The following FAM76B variants were observed in gnomAD, a reference collection of about 807,000 sequenced individuals.
The protein encoded by FAM76B is family with sequence similarity 76 member B, also known as protein FAM76B.
Under a neutral mutation model 51.8 loss-of-function variants are expected in FAM76B, and 16 were observed. The ratio of observed to expected loss-of-function variants is 0.31; its 90% confidence interval spans 0.21 to 0.47. FAM76B has a LOEUF of 0.47. FAM76B is among the 20% of genes least tolerant of loss of function. The pLI, the probability that FAM76B is intolerant of heterozygous loss-of-function variation, is 1.00. For synonymous variants in FAM76B, 166 were observed against 129.5 expected, an observed-to-expected ratio of 1.28 and a Z score of -1.91; for missense variants, 342 against 392.6, an observed-to-expected ratio of 0.87 and a Z score of 1.09.
rs772396708 is a variant in FAM76B, at chr11:95,779,615, A to G, written c.684T>C (p.Asn228=). The change falls in exon 7 of 10, where the codon AAT becomes AAC. Residue 228 remains asparagine (N), a synonymous_variant. Coordinates refer to ENST00000358780, the MANE Select transcript of FAM76B (RefSeq NM_144664.5). ...AAAGAATTCATTTTTACCTATCTCC[A>G]TTAGATGGCTTAGATTCCAATTTGG... ...KKPKLESKPS[N]GDSSSINQSA... is the part of the protein sequence containing the mutation. 7.5e-6 allele frequency: 12 copies of G among 1,609,304 alleles called. No individual in the cohort carries two copies. Among genetic ancestry groups the G allele is most frequent in the Non-Finnish European group, 9.3e-6 (11 of 1,177,498 alleles).
intron 9 of FAM76B, 137 bp downstream of exon 9, chr11:95,775,785 T>G (rs1193189546): frequency 1.3e-5 from 6 of 463,056 alleles, no homozygotes; most frequent in Non-Finnish European, 2.3e-5. Context: ...TTAAAAATGA[T>G]TATAAAGTCA....
chr11:95,772,512 T>C (rs765340600), intron 9 of FAM76B, among the ~76,000 whole-genome samples: 1 of 151,154 alleles, frequency 6.6e-6, no homozygotes, highest in Non-Finnish European at 1.5e-5. Context: ...TATATACAAA[T>C]ACATTAATGA....
intron 5 of FAM76B, among the ~76,000 whole-genome samples, chr11:95,782,536 A>G (rs906541295): frequency 3.9e-5 from 6 of 152,124 alleles, no homozygotes; most frequent in African/African-American, 9.7e-5. Flanking sequence ...TCCTAAATAT[A>G]TGTTTGAAAA....
At position 95,789,570 on chromosome 11, in the gene FAM76B, C is replaced by G. The variant is rs1860878042; in HGVS notation, c.-92G>C. On this transcript the variant is annotated 5_prime_UTR_variant, in exon 1 of 10. Coordinates refer to ENST00000358780, the MANE Select transcript of FAM76B (RefSeq NM_144664.5). ...GCCGCCGCCGCCCGGGCCGCGGGCT[C>G]CTCCTCCTCCCCCTCCCCCTGCCTC... The G allele has an allele frequency of 8.8e-7, 1 of 1,131,476 alleles. No homozygotes were observed. Among genetic ancestry groups the G allele is most frequent in the Middle Eastern group, 2.9e-4 (1 of 3,452 alleles). 70.1% of individuals were successfully genotyped at this position (1,131,476 alleles called of 1,614,324 possible).
intron 1 of FAM76B, chr11:95,788,795 T>C: frequency 6.8e-7 from 1 of 1,472,822 alleles, no homozygotes; most frequent in Non-Finnish European, 9.0e-7. Context: ...ACAGACAAAT[T>C]AAGAAAGCTG....
chr11:95,773,941 G>A (rs1307555429), intron 9 of FAM76B, among the ~76,000 whole-genome samples: 1 of 151,064 alleles, frequency 6.6e-6, no homozygotes, highest in African/African-American at 2.4e-5. Flanking sequence ...TTGTGTCACA[G>A]GATTCAATTC....
At chr11:95,782,284 T>C (rs1024960649) in intron 5 of FAM76B, among the ~76,000 whole-genome samples, 54 of 152,252 alleles carry the variant, frequency 3.5e-4, no homozygotes, top group Admixed American at 3.3e-3. Flanking sequence ...CAACCCAGGT[T>C]TGAAATGTAT....
chr11:95,788,852 T>C, intron 1 of FAM76B: 1 of 1,399,566 alleles, frequency 7.1e-7, no homozygotes, highest in East Asian at 3.6e-5. Flanking sequence ...TACTTATTAT[T>C]TTGCACCGTT....
rs938118203 is a variant in FAM76B at position 95,769,213 on chromosome 11, A to C, written c.*2348T>G. ...ATAGTGGAAAACAGGCTAAAAGCAC[A>C]ATACACCACACCATAGTATCTCCTT... On this transcript the variant is annotated 3_prime_UTR_variant, in exon 10 of 10. Transcript: ENST00000358780. 4.6e-5 allele frequency: 7 copies of C among 152,368 alleles called. No individual in the cohort carries two copies. Among genetic ancestry groups the C allele is most frequent in the Non-Finnish European group, 1.0e-4 (7 of 67,874 alleles). The allele number at this position is 152,368 out of a possible 1,614,324, so 9.4% of individuals were successfully genotyped here.
chr11:95,781,177 A>G (rs1282309077), intron 5 of FAM76B, among the ~76,000 whole-genome samples: 1 of 152,026 alleles, frequency 6.6e-6, no homozygotes, highest in African/African-American at 2.4e-5. Context: ...AATCACATTA[A>G]TATCACTGAC....
chr11:95,773,548 A>G (rs956084352), intron 9 of FAM76B, among the ~76,000 whole-genome samples: 1 of 151,216 alleles, frequency 6.6e-6, no homozygotes, highest in South Asian at 2.1e-4. Flanking sequence ...AAAGGAAAGA[A>G]TATCAGGATT....
rs117565813 is a variant in FAM76B, at chr11:95,789,775, G to T, written c.-297C>A. 8.6e-6 allele frequency: 3 copies of T among 348,468 alleles called. No individual in the cohort carries two copies. The highest frequency in any genetic ancestry group is 1.0e-4 in the East Asian group (2 of 20,062). The allele number at this position is 348,468 out of a possible 1,614,324, so 21.6% of individuals were successfully genotyped here. ...GGGGTTGCTGTTTAGCTGTGCGGCCGTGGATCCGCTTCCTTCTCGGCCTCC... is the reference window on the plus strand; with the variant it reads ...GGGGTTGCTGTTTAGCTGTGCGGCCTTGGATCCGCTTCCTTCTCGGCCTCC... On this transcript the variant is annotated 5_prime_UTR_variant, in exon 1 of 10. Coordinates refer to ENST00000358780, the MANE Select transcript of FAM76B (RefSeq NM_144664.5).
intron 2 of FAM76B, 135 bp downstream of exon 2, chr11:95,788,364 G>A (rs1182989228): frequency 2.8e-6 from 2 of 708,620 alleles, no homozygotes; most frequent in Non-Finnish European, 4.7e-6. Context: ...ATGTATAAAA[G>A]GTTTACAACT....
chr11:95,776,947 G>T, intron 8 of FAM76B, among the ~76,000 whole-genome samples: 1 of 150,362 alleles, frequency 6.7e-6, no homozygotes. Context: ...AAAAACCCTT[G>T]CTTTTGTCAA....
chr11:95,771,082 C>T lies in FAM76B; in HGVS notation c.*479G>A, dbSNP rs151169383. 6.6e-6 allele frequency: 1 copy of T among 151,782 alleles called. No homozygotes were observed. The highest frequency in any genetic ancestry group is 1.5e-5 in the Non-Finnish European group (1 of 67,482). 9.4% of individuals were successfully genotyped at this position (151,782 alleles called of 1,614,324 possible). On this transcript the variant is annotated 3_prime_UTR_variant, in exon 10 of 10. Coordinates refer to ENST00000358780, the MANE Select transcript of FAM76B (RefSeq NM_144664.5). Reference sequence around the variant, plus strand: ...CACCGTGATTTTCTCCTAAATTCATCTTGATGCAAAGTAAAAACACAATTC... The same window carrying T: ...CACCGTGATTTTCTCCTAAATTCATTTTGATGCAAAGTAAAAACACAATTC...
At chr11:95,778,999 G>A in intron 7 of FAM76B, 42 bp from the exon 8 acceptor site, 1 of 1,601,808 alleles carries the variant, frequency 6.2e-7, no homozygotes, top group East Asian at 2.2e-5. Context: ...GAAGTAGAAG[G>A]AAAATTAGCA....
In FAM76B at chr11:95,770,953, A is replaced by T. The variant is rs1859738901; in HGVS notation, c.*608T>A. On this transcript the variant is annotated 3_prime_UTR_variant, in exon 10 of 10. Coordinates refer to ENST00000358780, the MANE Select transcript of FAM76B (RefSeq NM_144664.5). ...CATTTTACCTTAGATACTGTACAAT[A>T]AACATTAATTCCTATACCAATAATG... The T allele has an allele frequency of 6.6e-6, 1 of 151,730 alleles. No individual in the cohort carries two copies. Among genetic ancestry groups the T allele is most frequent in the African/African-American group, 2.4e-5 (1 of 41,348 alleles). 9.4% of individuals were successfully genotyped at this position (151,730 alleles called of 1,614,324 possible). A position where few individuals can be genotyped will look rare whatever the true frequency, so the allele number is the denominator to read the frequency against.
At position 95,780,871 on chromosome 11, in the gene FAM76B, CAT is replaced by C. The variant is rs746433441; in HGVS notation, c.564-947_564-946del. ...ACAGTGCTAGCATATACAAAATAGA[CAT>C]ATATATATATACATGTTTACTTGTG... On this transcript the variant is annotated intron_variant, in intron 5 of 9. Coordinates refer to ENST00000358780, the MANE Select transcript of FAM76B (RefSeq NM_144664.5). Among the ~76,000 whole-genome samples the C allele has an allele frequency of 4.5e-4, 68 of 151,132 alleles. No individual in the cohort carries two copies. The East Asian group carries it at 7.2e-3, about 16-fold the overall frequency.
At chr11:95,780,287 A>C (rs1316640737) in intron 5 of FAM76B, among the ~76,000 whole-genome samples, 1 of 151,886 alleles carries the variant, frequency 6.6e-6, no homozygotes, top group South Asian at 2.1e-4. Flanking sequence ...TTGTATCTTT[A>C]AAGTTAAGGC....
Sources: allele counts gnomAD v4.1 joint callset (sites outside exome capture counted in the v4.1 genomes callset), GRCh38; gene constraint gnomAD v4.1.1; transcripts MANE v1.5; gene names NCBI Gene and HGNC (gene_info 2026-07-23, HGNC 2026-07-21).